SCN9A: variants seen among roughly 807,000 people sequenced by gnomAD.
SCN9A encodes sodium channel protein type 9 subunit alpha.
A neutral mutation model predicts 187.0 loss-of-function variants in SCN9A; 131 were observed. The observed-to-expected ratio is 0.70, with a 90% CI of 0.61 to 0.81. The LOEUF (loss-of-function observed/expected upper bound fraction) is 0.81, where lower values mean the gene tolerates loss of function less well. SCN9A is among the 30% of genes least tolerant of loss of function. The probability of loss-of-function intolerance (pLI) is 0.00; values close to 1 mark genes in which losing one functional copy is unlikely to be tolerated. For synonymous variants in SCN9A, 809 were observed against 808.6 expected, an observed-to-expected ratio of 1.00 and a Z score of -0.01; for missense variants, 2,252 against 2,396.6, an observed-to-expected ratio of 0.94 and a Z score of 1.26.
chr2:166,197,224 G>T lies in SCN9A; in HGVS notation c.*1448C>A, dbSNP rs1208739315. On this transcript the variant is annotated 3_prime_UTR_variant, in exon 27 of 27. Transcript: ENST00000642356. Reference sequence around the variant, plus strand: ...TATAGAAGAAAGATCTCATATTCCTGAAATAAACTCACGAAAAAAAGCATT... The same window carrying T: ...TATAGAAGAAAGATCTCATATTCCTTAAATAAACTCACGAAAAAAAGCATT... 1 of 151,902 alleles carries T rather than the reference G, an allele frequency of 6.6e-6. No homozygotes were observed. The highest frequency in any genetic ancestry group is 1.5e-5 in the Non-Finnish European group (1 of 67,950). 9.4% of individuals were successfully genotyped at this position (151,902 alleles called of 1,614,324 possible).
chr2:166,288,735 G>A (rs546405805), intron 9 of SCN9A, 92 bp from the exon 10 acceptor site: 126 of 866,626 alleles, frequency 1.5e-4, no homozygotes, highest in Middle Eastern at 2.3e-4. Flanking sequence ...CTGACAGTTT[G>A]GTATAATCTC....
Position 166,225,947 on chromosome 2 carries a change from G to A in SCN9A, c.4398+620C>T, listed in dbSNP as rs111786425. Among the ~76,000 whole-genome samples, 1,461 of 152,240 alleles carry A rather than the reference G, an allele frequency of 9.6e-3. 27 individuals carry two copies. Among genetic ancestry groups the A allele is most frequent in the African/African-American group, 0.033 (1,354 of 41,548 alleles). On this transcript the variant is annotated intron_variant, in intron 24 of 26. Coordinates refer to ENST00000642356, the MANE Select transcript of SCN9A (RefSeq NM_001365536.1). The stretch of plus-strand genomic sequence containing the variant: ...GAATTTGGACTTCTAACCTCCAAAA[G>A]TGTGAGAGAATATATTTCTCTTGTT...
chr2:166,274,661 ACTTT>A (rs1697149731), intron 16 of SCN9A, among the ~76,000 whole-genome samples: 1 of 152,284 alleles, frequency 6.6e-6, no homozygotes, highest in African/African-American at 2.4e-5. Context: ...TCTTCTGTAT[ACTTT>A]CTTTGCCAAG....
chr2:166,357,008 C>T (rs968862481), intron 1 of SCN9A, among the ~76,000 whole-genome samples: 11 of 151,970 alleles, frequency 7.2e-5, no homozygotes, highest in Non-Finnish European at 1.2e-4. Flanking sequence ...AGGTTTGTTA[C>T]ACAGGGAAAC....
At chr2:166,253,421 C>T (rs1696132396) in intron 17 of SCN9A, among the ~76,000 whole-genome samples, 1 of 151,650 alleles carries the variant, frequency 6.6e-6, no homozygotes, top group Non-Finnish European at 1.5e-5. Flanking sequence ...TGATTGAATT[C>T]ATCTAAATTA....
chr2:166,284,776 T>C lies in SCN9A; in HGVS notation c.1651A>G (p.Arg551Gly). Reference sequence around the variant, plus strand: ...CCTTTGAAACTAAAAAGACTTGTTCTGCTGCTTCGCCTTGCAGAAAACAAG... The same window carrying C: ...CCTTTGAAACTAAAAAGACTTGTTCCGCTGCTTCGCCTTGCAGAAAACAAG... Reference protein sequence around the residue: ...GSLFSARRSSRTSLFSFKGRG... With the variant: ...GSLFSARRSSGTSLFSFKGRG... The change falls in exon 12 of 27, where the codon AGA becomes GGA. Residue 551 changes from arginine to glycine, a missense_variant. Arg to Gly is a moderately radical substitution (Grantham distance 125). Around this residue, in one of 7 missense-constraint regions of SCN9A, gnomAD observed 1,013 missense variants for 997.4 expected, o/e 1.02. Transcript: ENST00000642356. 6.2e-7 allele frequency: 1 copy of C among 1,613,494 alleles called. No homozygotes were observed. The highest frequency in any genetic ancestry group is 8.5e-7 in the Non-Finnish European group (1 of 1,179,836).
rs150863494 is a variant in SCN9A, at chr2:166,250,531, T to C, written c.3472+1234A>G. 1.8e-3 allele frequency among the ~76,000 whole-genome samples: 273 copies of C among 152,220 alleles called. 1 individual carries two copies. Among genetic ancestry groups the C allele is most frequent in the African/African-American group, 6.3e-3 (263 of 41,564 alleles). ...GCAGATAAGTCGGCAAATTAGAACA[T>C]ATGTTTATCAGGCTCCAAAGTTTGA... On this transcript the variant is annotated intron_variant, in intron 18 of 26. Coordinates refer to ENST00000642356, the MANE Select transcript of SCN9A (RefSeq NM_001365536.1).
rs966076963 is a variant in SCN9A at position 166,220,664 on chromosome 2, T to C, written c.4398+5903A>G. Among the ~76,000 whole-genome samples the C allele has an allele frequency of 2.6e-5, 4 of 152,150 alleles. No individual in the cohort carries two copies. The East Asian group carries it at 7.7e-4, about 29-fold the overall frequency. ...CAAATGGATGAGAACAGAGGAAATA[T>C]ACTTCATGATAACAAAGACTACTTG... is the stretch of plus-strand genomic sequence containing the variant. On this transcript the variant is annotated intron_variant, in intron 24 of 26. Transcript: ENST00000642356.
intron 1 of SCN9A, among the ~76,000 whole-genome samples, chr2:166,341,019 A>G (rs1260187195): frequency 6.6e-6 from 1 of 152,140 alleles, no homozygotes; most frequent in African/African-American, 2.4e-5. Flanking sequence ...TCTTTGTATT[A>G]TTATGTGCAT....
intron 18 of SCN9A, among the ~76,000 whole-genome samples, chr2:166,250,201 T>C (rs1459538762): frequency 1.3e-5 from 2 of 152,108 alleles, no homozygotes; most frequent in South Asian, 2.1e-4. Flanking sequence ...AAGAAACCAG[T>C]TGAGAAAATC....
intron 1 of SCN9A, among the ~76,000 whole-genome samples, chr2:166,329,866 T>G (rs1326767912): frequency 2.6e-5 from 4 of 152,166 alleles, no homozygotes; most frequent in African/African-American, 9.7e-5. Flanking sequence ...CTCCCTCTTG[T>G]GTTAACAGTT....
intron 24 of SCN9A, among the ~76,000 whole-genome samples, chr2:166,207,132 C>G (rs1159314671): frequency 3.9e-5 from 6 of 152,072 alleles, no homozygotes; most frequent in African/African-American, 1.4e-4. Context: ...CTACATTAGT[C>G]TATAATTTCA....
intron 1 of SCN9A, among the ~76,000 whole-genome samples, chr2:166,327,296 G>C (rs925518838): frequency 6.6e-6 from 1 of 152,026 alleles, no homozygotes; most frequent in Non-Finnish European, 1.5e-5. Context: ...GGGACCACAG[G>C]TGCGTGCCAC....
At chr2:166,317,042 A>G (rs1371091866) in intron 1 of SCN9A, among the ~76,000 whole-genome samples, 1 of 152,044 alleles carries the variant, frequency 6.6e-6, no homozygotes, top group South Asian at 2.1e-4. Context: ...AATCCAGGTT[A>G]TACACACAGA....
chr2:166,227,700 A>G lies in SCN9A; in HGVS notation c.4230T>C (p.Ile1410=). Residue 1410 remains isoleucine, a synonymous_variant, in exon 23 of 27, where the codon ATT becomes ATC. Transcript: ENST00000642356. The part of the protein sequence containing the change: ...LQVATFKGWT[I]IMYAAVDSVN... The stretch of plus-strand genomic sequence containing the variant: ...CAGAATCCACTGCTGCATACATAAT[A>G]ATCGTCCATCCCTTAAAAGTTGCCT... The G allele has an allele frequency of 6.6e-7, 1 of 1,521,870 alleles. No individual in the cohort carries two copies. Among genetic ancestry groups the G allele is most frequent in the Non-Finnish European group, 9.0e-7 (1 of 1,116,614 alleles). The allele number at this position is 1,521,870 out of a possible 1,614,324, so 94.3% of individuals were successfully genotyped here.
intron 24 of SCN9A, among the ~76,000 whole-genome samples, chr2:166,218,272 A>AG (rs1159226550): frequency 1.1e-5 from 1 of 94,778 alleles, no homozygotes; most frequent in Admixed American, 1.6e-4. Flanking sequence ...GGGTGGGGGG[A>AG]GGGGGGAGGG....
At chr2:166,279,804 T>C (rs1559005482) in intron 14 of SCN9A, among the ~76,000 whole-genome samples, 2 of 151,850 alleles carry the variant, frequency 1.3e-5, no homozygotes, top group Non-Finnish European at 2.9e-5. Context: ...TACAATTATA[T>C]TATAAATAAT....
chr2:166,267,557 T>A (rs1215819875), intron 17 of SCN9A, among the ~76,000 whole-genome samples: 1 of 151,870 alleles, frequency 6.6e-6, no homozygotes, highest in Non-Finnish European at 1.5e-5. Context: ...GGTATTGGGG[T>A]AATATTGGCC....
intron 24 of SCN9A, among the ~76,000 whole-genome samples, chr2:166,208,051 G>A (rs1168373731): frequency 6.6e-6 from 1 of 152,148 alleles, no homozygotes; most frequent in African/African-American, 2.4e-5. Context: ...AAACTAATAG[G>A]AGATTATGAA....
Sources: allele counts gnomAD v4.1 joint callset (sites outside exome capture counted in the v4.1 genomes callset), GRCh38; gene constraint gnomAD v4.1.1; regional missense constraint gnomAD v4.1.1; transcripts MANE v1.5; gene names NCBI Gene and HGNC (gene_info 2026-07-23, HGNC 2026-07-21).